The following HPS4 variants were observed in gnomAD, a reference collection of about 807,000 sequenced individuals.
The protein encoded by HPS4 is BLOC-3 complex member HPS4.
A neutral mutation model predicts 70.3 loss-of-function variants in HPS4; 44 were observed. The observed-to-expected ratio is 0.63, with a 90% CI of 0.49 to 0.80. The LOEUF is 0.80. Among genes scored for constraint, HPS4 ranks in the 30% least tolerant of loss-of-function variants. The probability of loss-of-function intolerance (pLI) is 0.00; values close to 1 mark genes in which losing one functional copy is unlikely to be tolerated. For synonymous variants in HPS4, 377 were observed against 355.9 expected (o/e 1.06, Z -0.67); for missense variants, 873 against 884.4 (o/e 0.99, Z 0.16).
chr22:26,460,950 G>A (rs1195446672), intron 11 of HPS4, among the ~76,000 whole-genome samples: 1 of 152,218 alleles, frequency 6.6e-6, no homozygotes, highest in South Asian at 2.1e-4. Context: ...TACTGCAACA[G>A]CAGAGCTGAA....
At chr22:26,461,250 A>C (rs1041209066) in intron 11 of HPS4, among the ~76,000 whole-genome samples, 4 of 152,130 alleles carry the variant, frequency 2.6e-5, no homozygotes, top group African/African-American at 9.7e-5. Flanking sequence ...TTATGGCAAC[A>C]CTCTCACACT....
intron 4 of HPS4, 97 bp from the exon 5 acceptor site, chr22:26,473,036 T>C (rs2146822630): frequency 1.0e-6 from 1 of 994,426 alleles, no homozygotes. Context: ...CTGACTTCAC[T>C]GGCCCATCGA....
intron 11 of HPS4, among the ~76,000 whole-genome samples, chr22:26,461,319 A>G (rs1332112680): frequency 6.6e-6 from 1 of 152,228 alleles, no homozygotes; most frequent in Admixed American, 6.5e-5. Flanking sequence ...GTGATAAATA[A>G]TTAATCTGAT....
rs543210717 is a variant in HPS4, at chr22:26,451,285, C to A, written c.*1948G>T. Among the ~76,000 whole-genome samples, 8 of 152,152 alleles carry A rather than the reference C, an allele frequency of 5.3e-5. No homozygotes were observed. The highest frequency in any genetic ancestry group is 8.8e-5 in the Non-Finnish European group (6 of 68,030). ...TGGGATTAACCGTGTCCTGAGTGAC[C>A]CCCTGAAACCTCTGAAATATTAAAA... On this transcript the variant is annotated 3_prime_UTR_variant, in exon 14 of 14. Transcript: ENST00000398145.
At chr22:26,481,672 C>G (rs2091301556) in intron 2 of HPS4, 50 bp downstream of exon 2, 3 of 1,575,170 alleles carry the variant, frequency 1.9e-6, no homozygotes, top group Middle Eastern at 1.7e-4. Context: ...CCCCAAAACT[C>G]TAACCAACAG....
At chr22:26,446,192 C>T (rs1048348576), downstream of HPS4, among the ~76,000 whole-genome samples, 2 of 152,196 alleles carry the variant, frequency 1.3e-5, no homozygotes, top group African/African-American at 4.8e-5. Context: ...ACAGGCTGGA[C>T]TGGCCTCAAG....
At chr22:26,476,507 C>G (rs550387518) in intron 4 of HPS4, 1 of 165,490 alleles carries the variant, frequency 6.0e-6, no homozygotes, top group Non-Finnish European at 1.3e-5. Context: ...CCACCACACC[C>G]GGTTAATTTT....
At chr22:26,446,608 T>A (rs1388447138), downstream of HPS4, among the ~76,000 whole-genome samples, 5 of 152,008 alleles carry the variant, frequency 3.3e-5, no homozygotes, top group Non-Finnish European at 7.4e-5. Context: ...GTCGCTGCTG[T>A]GAGTAGCAAG....
rs750128189 is a variant in HPS4 at position 26,464,790 on chromosome 22, T to G, written c.840A>C (p.Ser280=). 3.1e-6 allele frequency: 5 copies of G among 1,591,848 alleles called. No individual in the cohort carries two copies. Among genetic ancestry groups the G allele is most frequent in the Non-Finnish European group, 4.3e-6 (5 of 1,170,910 alleles). The change falls in exon 11 of 14, where the codon TCA becomes TCC. Residue 280 remains serine, a synonymous_variant. Coordinates refer to ENST00000398145, the MANE Select transcript of HPS4 (RefSeq NM_022081.6). ...LASPAGLQDG[S]AQHHPKGGST... is the part of the protein sequence containing the mutation. ...TCCCACCCTTTGGATGGTGCTGGGC[T>G]GAACCATCCTGGAGTCCTGCTGGAG...
chr22:26,477,119 CTG>C lies in HPS4; in HGVS notation c.148_149del (p.Gln50GlyfsTer16). 1 of 1,614,210 alleles carries C rather than the reference CTG, an allele frequency of 6.2e-7. No homozygotes were observed. The highest frequency in any genetic ancestry group is 8.5e-7 in the Non-Finnish European group (1 of 1,180,038). On this transcript the variant is annotated frameshift_variant, in exon 4 of 14. Coordinates refer to ENST00000398145, the MANE Select transcript of HPS4 (RefSeq NM_022081.6). LOFTEE classifies it high-confidence loss of function. ...FYPSQTLLDQQELLCGQIAGV... is the reference protein window; with the variant it reads ...FYPSQTLLDQXELLCGQIAGV... Reference sequence around the variant, plus strand: ...CAGCAATCTGTCCACAAAGCAACTCCTGTTGGTCTAGCAGGGTCTGTGGGAAA... The same window carrying C: ...CAGCAATCTGTCCACAAAGCAACTCCTTGGTCTAGCAGGGTCTGTGGGAAA...
Position 26,482,047 on chromosome 22 carries a change from T to C in HPS4, c.-285A>G. The C allele has an allele frequency of 2.2e-6, 1 of 446,020 alleles. No individual in the cohort carries two copies. The highest frequency in any genetic ancestry group is 2.1e-5 in the South Asian group (1 of 46,568). The allele number at this position is 446,020 out of a possible 1,614,324, so 27.6% of individuals were successfully genotyped here. Reference sequence around the variant, plus strand: ...CTAGCAGAAAAGTCAAATCCATTCCTCTGGTTTCCTAAGTATCACTGTGGC... The same window carrying C: ...CTAGCAGAAAAGTCAAATCCATTCCCCTGGTTTCCTAAGTATCACTGTGGC... On this transcript the variant is annotated 5_prime_UTR_variant, in exon 2 of 14. Coordinates refer to ENST00000398145, the MANE Select transcript of HPS4 (RefSeq NM_022081.6).
intron 3 of HPS4, among the ~76,000 whole-genome samples, chr22:26,478,025 T>C (rs573686920): frequency 4.6e-5 from 7 of 152,150 alleles, no homozygotes; most frequent in Non-Finnish European, 8.8e-5. Context: ...TATGGGTGCA[T>C]GGAAGGAAGG....
At chr22:26,478,919 G>C (rs1181989051) in intron 3 of HPS4, among the ~76,000 whole-genome samples, 1 of 152,098 alleles carries the variant, frequency 6.6e-6, no homozygotes, top group African/African-American at 2.4e-5. Context: ...CCTGACCTCA[G>C]GTGATCCATC....
intron 3 of HPS4, among the ~76,000 whole-genome samples, chr22:26,478,957 T>C (rs2090962402): frequency 6.6e-6 from 1 of 152,174 alleles, no homozygotes; most frequent in Non-Finnish European, 1.5e-5. Context: ...GAGCTGGGAC[T>C]GCAGGCATAA....
intron 2 of HPS4, among the ~76,000 whole-genome samples, chr22:26,480,955 T>C (rs1405351359): frequency 6.6e-6 from 1 of 151,974 alleles, no homozygotes; most frequent in Non-Finnish European, 1.5e-5. Context: ...ACCAACTTGG[T>C]CTCTTGGCAC....
intron 13 of HPS4, among the ~76,000 whole-genome samples, chr22:26,457,584 A>G (rs1429407818): frequency 6.6e-6 from 1 of 152,224 alleles, no homozygotes; most frequent in Non-Finnish European, 1.5e-5. Context: ...CACCGTCCCT[A>G]GTAATGGATG....
chr22:26,445,973 AGGTTCCAGCCAGCT>A, downstream of HPS4, among the ~76,000 whole-genome samples: 1 of 152,160 alleles, frequency 6.6e-6, no homozygotes, highest in African/African-American at 2.4e-5. Context: ...CCTGCAAGCG[AGGTTCCAGCCAGCT>A]GTCCGGGCTG....
rs750182459 is a variant in HPS4 at position 26,453,188 on chromosome 22, T to A, written c.*45A>T. On this transcript the variant is annotated 3_prime_UTR_variant, in exon 14 of 14. Coordinates refer to ENST00000398145, the MANE Select transcript of HPS4 (RefSeq NM_022081.6). Reference sequence around the variant, plus strand: ...CCTTTTCAATTATAAAAGGCAGAGCTTCCTTTGCTGGTTTTCTCCTTCCCA... The same window carrying A: ...CCTTTTCAATTATAAAAGGCAGAGCATCCTTTGCTGGTTTTCTCCTTCCCA... 1 of 1,594,194 alleles carries A rather than the reference T, an allele frequency of 6.3e-7. No homozygotes were observed. The highest frequency in any genetic ancestry group is 1.1e-5 in the South Asian group (1 of 90,448).
At position 26,452,019 on chromosome 22, in the gene HPS4, CACACACACACACACACACA is replaced by C; in HGVS notation, c.*1195_*1213del. On this transcript the variant is annotated 3_prime_UTR_variant, in exon 14 of 14. Coordinates refer to ENST00000398145, the MANE Select transcript of HPS4 (RefSeq NM_022081.6). ...GCGCGCGCGCGCACACACACACACA[CACACACACACACACACACA>C]CACACTGTCTTAACCCTTACCTTTG... The C allele has an allele frequency of 3.7e-6, 1 of 270,090 alleles. No individual in the cohort carries two copies. The highest frequency in any genetic ancestry group is 2.4e-5 in the African/African-American group (1 of 42,440). 16.7% of individuals were successfully genotyped at this position (270,090 alleles called of 1,614,324 possible).
Sources: allele counts gnomAD v4.1 joint callset (sites outside exome capture counted in the v4.1 genomes callset), GRCh38; gene constraint gnomAD v4.1.1; transcripts MANE v1.5; gene names NCBI Gene and HGNC (gene_info 2026-07-23, HGNC 2026-07-21).